The following LRRTM4 variants were observed in gnomAD, a reference collection of about 807,000 sequenced individuals.
LRRTM4 encodes the protein leucine-rich repeat transmembrane neuronal protein 4.
In LRRTM4, 25 loss-of-function variants were observed where a neutral mutation model predicts 47.6. That is an observed-to-expected ratio of 0.53 (90% confidence interval 0.38 to 0.73). The LOEUF (loss-of-function observed/expected upper bound fraction) is 0.73, where lower values mean the gene tolerates loss of function less well. Among genes scored for constraint, LRRTM4 ranks in the 30% least tolerant of loss-of-function variants. LRRTM4 has a pLI of 0.00. For missense variants in LRRTM4, 638 were observed against 713.4 expected, an observed-to-expected ratio of 0.89 and a Z score of 1.20; for synonymous variants, 311 against 269.5, an observed-to-expected ratio of 1.15 and a Z score of -1.51.
chr2:77,482,249 G>A (rs2104020908), intron 3 of LRRTM4, among the ~76,000 whole-genome samples: 1 of 152,210 alleles, frequency 6.6e-6, no homozygotes, highest in Non-Finnish European at 1.5e-5. Flanking sequence ...TATTCCAACT[G>A]TGAGAGAACA....
chr2:77,449,136 A>G (rs1328188491), intron 3 of LRRTM4, among the ~76,000 whole-genome samples: 1 of 152,154 alleles, frequency 6.6e-6, no homozygotes, highest in Non-Finnish European at 1.5e-5. Context: ...AGGCTGAAAA[A>G]GGACCTAAAA....
chr2:76,966,273 AGGAGAAGGAGGTAGAGGAGAAGAATGG>A (rs1359704601), intron 3 of LRRTM4, among the ~76,000 whole-genome samples: 1 of 151,286 alleles, frequency 6.6e-6, no homozygotes, highest in Non-Finnish European at 1.5e-5. Context: ...CAGGTGAAAT[AGGAGAAGGAGGTAGAGGAGAAGAATGG>A]GGAAAAGGAG....
chr2:77,200,130 C>G (rs142045055), intron 3 of LRRTM4, among the ~76,000 whole-genome samples: 1 of 151,946 alleles, frequency 6.6e-6, no homozygotes, highest in East Asian at 1.9e-4. Flanking sequence ...CATACTTGGC[C>G]ATGGAACCCC....
intron 3 of LRRTM4, among the ~76,000 whole-genome samples, chr2:77,506,127 A>T (rs1401647265): frequency 6.6e-6 from 1 of 151,678 alleles, no homozygotes; most frequent in African/African-American, 2.4e-5. Flanking sequence ...ATTGTAATAA[A>T]GAGTGAATCC....
intron 3 of LRRTM4, among the ~76,000 whole-genome samples, chr2:76,807,987 TTTTC>T (rs1670602235): frequency 6.6e-6 from 1 of 151,026 alleles, no homozygotes; most frequent in Admixed American, 6.6e-5. Context: ...CCCTTCTTTC[TTTTC>T]TTTCTGTCTC....
chr2:77,281,997 A>G (rs1487179208), intron 3 of LRRTM4, among the ~76,000 whole-genome samples: 1 of 151,930 alleles, frequency 6.6e-6, no homozygotes, highest in Admixed American at 6.6e-5. Flanking sequence ...GTTTGATAGG[A>G]ACAGCATTGA....
intron 3 of LRRTM4, among the ~76,000 whole-genome samples, chr2:76,805,014 C>A (rs972119296): frequency 1.3e-5 from 2 of 152,040 alleles, no homozygotes; most frequent in Admixed American, 1.3e-4. Context: ...GGGAGATTGA[C>A]TATGACCTTT....
At chr2:76,912,854 C>T (rs946246853) in intron 3 of LRRTM4, among the ~76,000 whole-genome samples, 5 of 152,176 alleles carry the variant, frequency 3.3e-5, no homozygotes, top group African/African-American at 9.7e-5. Flanking sequence ...CCTAGCTCAC[C>T]CTTTGCCTTC....
chr2:77,358,302 G>C (rs1199472844), intron 3 of LRRTM4, among the ~76,000 whole-genome samples: 2 of 152,128 alleles, frequency 1.3e-5, no homozygotes, highest in African/African-American at 2.4e-5. Flanking sequence ...AAGGCAAAAT[G>C]TTCCTAGGAG....
chr2:77,038,489 A>G (rs998787985), intron 3 of LRRTM4, among the ~76,000 whole-genome samples: 3 of 151,548 alleles, frequency 2.0e-5, no homozygotes, highest in African/African-American at 7.3e-5. Context: ...GAGTCTATGA[A>G]GTAATATTTT....
At chr2:77,320,627 A>T in intron 3 of LRRTM4, among the ~76,000 whole-genome samples, 1 of 152,176 alleles carries the variant, frequency 6.6e-6, no homozygotes, top group Non-Finnish European at 1.5e-5. Flanking sequence ...AAAGAAAGAG[A>T]CCAAATAAAA....
chr2:77,298,277 C>T (rs1677027988), intron 3 of LRRTM4, among the ~76,000 whole-genome samples: 1 of 152,150 alleles, frequency 6.6e-6, no homozygotes, highest in South Asian at 2.1e-4. Flanking sequence ...CGCTCTGTCG[C>T]CCAGGCTGGA....
At chr2:76,801,722 A>C (rs186838325) in intron 3 of LRRTM4, among the ~76,000 whole-genome samples, 212 of 152,248 alleles carry the variant, frequency 1.4e-3, no homozygotes, top group African/African-American at 4.0e-3. Flanking sequence ...AAAAATCCTC[A>C]GCAAAATATC....
chr2:76,905,131 G>C (rs6720827), intron 3 of LRRTM4, among the ~76,000 whole-genome samples: 1 of 152,036 alleles, frequency 6.6e-6, no homozygotes, highest in Non-Finnish European at 1.5e-5. Context: ...TCACATGGCC[G>C]GGTACTCCTC....
chr2:77,321,559 G>C (rs546436740), intron 3 of LRRTM4, among the ~76,000 whole-genome samples: 3 of 104,626 alleles, frequency 2.9e-5, no homozygotes, highest in African/African-American at 4.9e-5. Context: ...GGGAGGGGGG[G>C]GGGTGTGTGA....
chr2:77,078,876 A>G (rs1680436038), intron 3 of LRRTM4, among the ~76,000 whole-genome samples: 6 of 152,184 alleles, frequency 3.9e-5, no homozygotes, highest in Admixed American at 2.0e-4. Flanking sequence ...GTAGCTGGGA[A>G]GTCCAAGATC....
chr2:77,079,005 T>C (rs1275552873), intron 3 of LRRTM4, among the ~76,000 whole-genome samples: 2 of 152,108 alleles, frequency 1.3e-5, no homozygotes, highest in Non-Finnish European at 2.9e-5. Flanking sequence ...GAGCATCAAA[T>C]GCATTCATAT....
intron 3 of LRRTM4, among the ~76,000 whole-genome samples, chr2:76,828,369 T>A (rs1462960458): frequency 6.6e-6 from 1 of 151,874 alleles, no homozygotes; most frequent in African/African-American, 2.4e-5. Context: ...AATGAAGCAA[T>A]AATATGAAGT....
intron 3 of LRRTM4, among the ~76,000 whole-genome samples, chr2:76,758,299 A>T (rs73940043): frequency 2.6e-5 from 4 of 152,206 alleles, no homozygotes; most frequent in Non-Finnish European, 5.9e-5. Flanking sequence ...TGAAATTCAC[A>T]TGTAAGTGAA....
Sources: allele counts gnomAD v4.1 joint callset (sites outside exome capture counted in the v4.1 genomes callset), GRCh38; gene constraint gnomAD v4.1.1; transcripts MANE v1.5; gene names NCBI Gene and HGNC (gene_info 2026-07-23, HGNC 2026-07-21).